The following ARHGAP42 variants were observed in gnomAD, a reference collection of about 807,000 sequenced individuals.
ARHGAP42 encodes the protein rho GTPase-activating protein 42.
In ARHGAP42, 63 loss-of-function variants were observed where a neutral mutation model predicts 125.0. That is an observed-to-expected ratio of 0.50 (90% confidence interval 0.41 to 0.62). The LOEUF is 0.62. ARHGAP42 is among the 20% of genes least tolerant of loss of function. The pLI is 0.00. For missense variants in ARHGAP42, 766 were observed against 1,024.2 expected (o/e 0.75, Z 3.44); for synonymous variants, 339 against 351.0 (o/e 0.97, Z 0.38).
chr11:100,767,471 T>C (rs1862857319), intron 1 of ARHGAP42, among the ~76,000 whole-genome samples: 1 of 152,200 alleles, frequency 6.6e-6, no homozygotes, highest in Non-Finnish European at 1.5e-5. Context: ...ATTACTGTCA[T>C]GCATTCACAG....
At chr11:100,767,404 A>G (rs1471158219) in intron 1 of ARHGAP42, among the ~76,000 whole-genome samples, 2 of 152,220 alleles carry the variant, frequency 1.3e-5, no homozygotes, top group African/African-American at 2.4e-5. Context: ...ACTCATACTC[A>G]GTAACTTGAC....
intron 3 of ARHGAP42, among the ~76,000 whole-genome samples, chr11:100,843,223 G>T (rs756644009): frequency 6.6e-5 from 10 of 151,826 alleles, no homozygotes; most frequent in Admixed American, 1.3e-4. Context: ...TAGAGGAAAT[G>T]GATAAATACC....
intron 3 of ARHGAP42, among the ~76,000 whole-genome samples, chr11:100,831,394 C>CA (rs1864660271): frequency 6.6e-6 from 1 of 152,146 alleles, no homozygotes; most frequent in East Asian, 1.9e-4. Context: ...CTAAGAAAAA[C>CA]ACGGAACTGA....
chr11:100,965,776 A>C lies in ARHGAP42; in HGVS notation c.1550A>C (p.Lys517Thr), dbSNP rs926189271. 19 of 1,548,206 alleles carry C rather than the reference A, an allele frequency of 1.2e-5. No homozygotes were observed. The highest frequency in any genetic ancestry group is 1.7e-5 in the Non-Finnish European group (19 of 1,144,224). ...MLDILIKHLVKVSLHSQQNLM... is the reference protein window; with the variant it reads ...MLDILIKHLVTVSLHSQQNLM... ...GACATCTTAATAAAGCATCTGGTCA[A>C]GTAATTCTCTAACTTACATTGTTCA... The change falls in exon 17 of 24, where the codon AAA becomes ACA. Residue 517 changes from lysine (K) to threonine (T), a missense_variant and splice_region_variant. Physicochemically the swap from Lys to Thr is moderately conservative, Grantham distance 78 (BLOSUM62 -1). This residue lies in a region of ARHGAP42 where 455 missense variants were observed against 636.5 expected (regional missense o/e 0.71). Coordinates refer to ENST00000298815, the MANE Select transcript of ARHGAP42 (RefSeq NM_152432.4).
intron 4 of ARHGAP42, among the ~76,000 whole-genome samples, chr11:100,872,184 T>C (rs1294742882): frequency 6.6e-6 from 1 of 152,214 alleles, no homozygotes; most frequent in Non-Finnish European, 1.5e-5. Context: ...CTGGATACTA[T>C]AGCATTTTTA....
intron 1 of ARHGAP42, among the ~76,000 whole-genome samples, chr11:100,738,794 G>A (rs1465632551): frequency 2.0e-5 from 3 of 152,188 alleles, no homozygotes; most frequent in Non-Finnish European, 4.4e-5. Context: ...TACGTTTCAA[G>A]TTTGAATATT....
chr11:100,736,802 G>A (rs1862077998), intron 1 of ARHGAP42, among the ~76,000 whole-genome samples: 1 of 152,138 alleles, frequency 6.6e-6, no homozygotes, highest in Admixed American at 6.5e-5. Flanking sequence ...ATAAACGATA[G>A]TGTCTTCTGT....
intron 3 of ARHGAP42, among the ~76,000 whole-genome samples, chr11:100,844,405 A>G (rs949686860): frequency 6.6e-6 from 1 of 152,168 alleles, no homozygotes; most frequent in Non-Finnish European, 1.5e-5. Context: ...TTCATGACCA[A>G]GAGCCCAAAA....
At chr11:100,859,656 A>G in intron 4 of ARHGAP42, 31 bp downstream of exon 4, 2 of 1,362,890 alleles carry the variant, frequency 1.5e-6, no homozygotes, top group Non-Finnish European at 2.0e-6. Flanking sequence ...TTCTTCAGTT[A>G]TTCTCCTGAT....
chr11:100,979,137 G>A (rs987582763), intron 22 of ARHGAP42, 88 bp downstream of exon 22: 48 of 1,302,306 alleles, frequency 3.7e-5, no homozygotes, highest in Admixed American at 1.2e-4. Flanking sequence ...TGACAGCTCC[G>A]CCTCTCCATT....
intron 8 of ARHGAP42, among the ~76,000 whole-genome samples, chr11:100,939,039 TG>T: frequency 6.6e-6 from 1 of 152,326 alleles, no homozygotes; most frequent in Non-Finnish European, 1.5e-5. Flanking sequence ...ATGGATGTGA[TG>T]GGGTAGGCTT....
chr11:100,869,965 A>AT lies in ARHGAP42; in HGVS notation c.384+10348dup, dbSNP rs143908261. Among the ~76,000 whole-genome samples the AT allele has an allele frequency of 9.3e-3, 1,417 of 152,072 alleles. 10 individuals carry two copies. The highest frequency in any genetic ancestry group is 0.018 in the African/African-American group (748 of 41,490). On this transcript the variant is annotated intron_variant, in intron 4 of 23. Transcript: ENST00000298815. ...TACTACATTTTTAGGTCAAGTATGC[A>AT]TTTTTTTTAAGTTAATACTATTTAC...
At chr11:100,964,736 T>C (rs1351618640) in intron 16 of ARHGAP42, among the ~76,000 whole-genome samples, 1 of 152,224 alleles carries the variant, frequency 6.6e-6, no homozygotes, top group Non-Finnish European at 1.5e-5. Flanking sequence ...AAATGAGTTC[T>C]TACATTTTAC....
chr11:100,883,920 A>G (rs1197295604), intron 4 of ARHGAP42, among the ~76,000 whole-genome samples: 2 of 152,196 alleles, frequency 1.3e-5, no homozygotes, highest in Non-Finnish European at 2.9e-5. Context: ...TATCCAGGAC[A>G]GTTTATCATG....
intron 7 of ARHGAP42, among the ~76,000 whole-genome samples, chr11:100,934,512 T>C (rs1362233264): frequency 6.6e-6 from 1 of 152,258 alleles, no homozygotes; most frequent in Admixed American, 6.5e-5. Context: ...AGTCTCTGAT[T>C]GCATAGCTAT....
intron 12 of ARHGAP42, among the ~76,000 whole-genome samples, chr11:100,954,107 T>G (rs1258356398): frequency 3.3e-5 from 5 of 152,158 alleles, no homozygotes; most frequent in Non-Finnish European, 7.3e-5. Context: ...TTCTAGGCTT[T>G]CTTTCTCTGA....
intron 16 of ARHGAP42, 150 bp from the exon 17 acceptor site, chr11:100,965,521 C>A: frequency 1.4e-6 from 1 of 703,248 alleles, no homozygotes; most frequent in Non-Finnish European, 2.4e-6. Context: ...CTTCTGCAAG[C>A]CATAGGGAAT....
chr11:100,746,506 G>A (rs1022327827), intron 1 of ARHGAP42, among the ~76,000 whole-genome samples: 40 of 152,198 alleles, frequency 2.6e-4, no homozygotes, highest in Non-Finnish European at 5.7e-4. Context: ...TTTGTTTAAC[G>A]TGTGGACGGA....
chr11:100,834,321 G>A (rs182519815), intron 3 of ARHGAP42, among the ~76,000 whole-genome samples: 47 of 152,062 alleles, frequency 3.1e-4, no homozygotes, highest in Admixed American at 1.6e-3. Context: ...TTCTTTTATG[G>A]GTCATTTCTG....
Sources: allele counts gnomAD v4.1 joint callset (sites outside exome capture counted in the v4.1 genomes callset), GRCh38; gene constraint gnomAD v4.1.1; regional missense constraint gnomAD v4.1.1; transcripts MANE v1.5; gene names NCBI Gene and HGNC (gene_info 2026-07-23, HGNC 2026-07-21).